The following GLRX2 variants were observed in gnomAD, a reference collection of about 807,000 sequenced individuals.
GLRX2 encodes the protein bA101E13.1 (GRX2 glutaredoxin (thioltransferase) 2).
GLRX2 carries 12 observed loss-of-function variants against 16.4 expected under a neutral mutation model. That is an observed-to-expected ratio of 0.73 (90% CI 0.47 to 1.19). GLRX2 has a LOEUF of 1.19. Among genes scored for constraint, GLRX2 ranks in the 50% most tolerant of loss-of-function variants. The probability of loss-of-function intolerance (pLI) is 0.00; values close to 1 mark genes in which losing one functional copy is unlikely to be tolerated. For synonymous variants in GLRX2, 95 were observed against 76.2 expected (o/e 1.25, Z -1.28); for missense variants, 201 against 201.8 (o/e 1.00, Z 0.02).
intron 1 of GLRX2, among the ~76,000 whole-genome samples, chr1:193,101,908 T>TA (rs879288292): frequency 0.025 from 3,678 of 145,126 alleles, 132 homozygotes; most frequent in African/African-American, 0.084. Context: ...AAATTATCAC[T>TA]AAAAAAAAAA....
upstream of GLRX2, chr1:193,105,598 A>G (rs1675185379): frequency 1.2e-6 from 2 of 1,606,328 alleles, no homozygotes; most frequent in Non-Finnish European, 1.7e-6. Context: ...AACATCCTTT[A>G]GAGGGGAGAA....
chr1:193,097,877 G>T, intron 2 of GLRX2, 117 bp from the exon 3 acceptor site: 1 of 563,786 alleles, frequency 1.8e-6, no homozygotes, highest in Non-Finnish European at 2.9e-6. Flanking sequence ...CTCAAACTAA[G>T]CATCATCTAT....
chr1:193,105,445 T>C, upstream of GLRX2: 1 of 1,446,560 alleles, frequency 6.9e-7, no homozygotes, highest in Non-Finnish European at 9.0e-7. Context: ...GGAGCCCGCC[T>C]CCTCCGGCCC....
At chr1:193,103,792 T>G (rs191502478) in intron 1 of GLRX2, among the ~76,000 whole-genome samples, 17 of 152,204 alleles carry the variant, frequency 1.1e-4, no homozygotes, top group African/African-American at 4.1e-4. Flanking sequence ...CCTAATAGTA[T>G]TAGCAAGGAA....
chr1:193,097,562 G>C (rs1674985095), intron 3 of GLRX2, 22 bp downstream of exon 3: 3 of 1,564,652 alleles, frequency 1.9e-6, no homozygotes, highest in African/African-American at 1.4e-5. Flanking sequence ...AAGAGGAACA[G>C]CACCACAGAG....
At chr1:193,099,595 G>A (rs563604562) in intron 2 of GLRX2, among the ~76,000 whole-genome samples, 1 of 152,140 alleles carries the variant, frequency 6.6e-6, no homozygotes, top group South Asian at 2.1e-4. Context: ...GCCTTCCAAA[G>A]TGCTGGGATT....
At chr1:193,106,089 C>G, upstream of GLRX2, 1 of 965,154 alleles carries the variant, frequency 1.0e-6, no homozygotes, top group Non-Finnish European at 1.2e-6. Context: ...TTATTTAAGC[C>G]ACTCAGTGGT....
At chr1:193,105,491 G>A (rs371731758), upstream of GLRX2, 158 of 1,227,984 alleles carry the variant, frequency 1.3e-4, no homozygotes, top group Non-Finnish European at 1.6e-4. Flanking sequence ...CCGCCCCTCC[G>A]GACTGCCCGC....
chr1:193,105,352 TC>T lies in GLRX2; in HGVS notation c.30del (p.Thr11ArgfsTer42). 6.5e-7 allele frequency: 1 copy of T among 1,546,228 alleles called. No homozygotes were observed. The highest frequency in any genetic ancestry group is 8.6e-7 in the Non-Finnish European group (1 of 1,156,312). On this transcript the variant is annotated frameshift_variant, in exon 1 of 4. Transcript: ENST00000367439. LOFTEE classifies it high-confidence loss of function. ...CCGCTCCTGCTCCAAACCAGCCGCG[TC>T]CCCGCCAGCGCCGCGCGGCGCCAAA... MIWRRAALAGTRLVWSRSGS... is the reference protein window; with the variant it reads MIWRRAALAXTRLVWSRSGS...
chr1:193,096,902 C>A (rs1674970470), intron 3 of GLRX2, 143 bp from the exon 4 acceptor site: 5 of 612,668 alleles, frequency 8.2e-6, no homozygotes. Flanking sequence ...ATCTTAAAAT[C>A]TTTACCCTTT....
intron 1 of GLRX2, among the ~76,000 whole-genome samples, chr1:193,101,683 G>A (rs1000217073): frequency 1.3e-5 from 2 of 152,152 alleles, no homozygotes; most frequent in Non-Finnish European, 2.9e-5. Context: ...CTGCAAAGTG[G>A]AAACAATAAT....
At chr1:193,105,190 C>G (rs1362127320) in intron 1 of GLRX2, 74 bp downstream of exon 1, 291 of 1,463,214 alleles carry the variant, frequency 2.0e-4, no homozygotes, top group Non-Finnish European at 2.6e-4. Context: ...GGGGCACCTC[C>G]GCCCACCGCT....
chr1:193,106,006 A>G, upstream of GLRX2: 1 of 990,846 alleles, frequency 1.0e-6, no homozygotes, highest in Non-Finnish European at 1.2e-6. Context: ...AAAAATTAGG[A>G]AACAAAACAA....
chr1:193,106,057 T>A, upstream of GLRX2: 4 of 986,744 alleles, frequency 4.1e-6, no homozygotes, highest in Non-Finnish European at 4.8e-6. Context: ...GCTTTGGAAA[T>A]GGGCGATTGC....
chr1:193,101,403 T>C (rs1675073903), intron 1 of GLRX2, among the ~76,000 whole-genome samples, 199 bp from the exon 2 acceptor site: 1 of 152,238 alleles, frequency 6.6e-6, no homozygotes, highest in Admixed American at 6.5e-5. Context: ...TGTGTGCTTA[T>C]GTAACTAGCT....
At chr1:193,101,643 G>T (rs770671378) in intron 1 of GLRX2, among the ~76,000 whole-genome samples, 1 of 152,134 alleles carries the variant, frequency 6.6e-6, no homozygotes. Context: ...TATCTCAACC[G>T]CAATGGGCCA....
At chr1:193,098,483 T>C (rs1482399263) in intron 2 of GLRX2, among the ~76,000 whole-genome samples, 3 of 152,116 alleles carry the variant, frequency 2.0e-5, no homozygotes, top group African/African-American at 7.2e-5. Flanking sequence ...GTTCCAGTGA[T>C]TCTCCAGCCT....
At chr1:193,105,882 C>A, upstream of GLRX2, 2 of 1,160,070 alleles carry the variant, frequency 1.7e-6, no homozygotes, top group Non-Finnish European at 2.1e-6. Context: ...GGTCGAGACC[C>A]AATGTAAATT....
At chr1:193,105,222 C>G in intron 1 of GLRX2, 42 bp downstream of exon 1, 1 of 1,529,142 alleles carries the variant, frequency 6.5e-7, no homozygotes, top group African/African-American at 1.4e-5. Context: ...CCCGCAAGGC[C>G]TGCGCACCAC....
Sources: gnomAD v4.1 joint callset for allele counts (sites outside exome capture counted in the v4.1 genomes callset) on GRCh38, gnomAD v4.1.1 for gene constraint, MANE v1.5 for transcripts, NCBI Gene and HGNC (gene_info 2026-07-23, HGNC 2026-07-21) for gene names.